The following MYO5B variants were observed in gnomAD, a reference collection of about 807,000 sequenced individuals.
MYO5B encodes the protein unconventional myosin-Vb.
In MYO5B, 143 loss-of-function variants were observed where a neutral mutation model predicts 229.3. The ratio of observed to expected loss-of-function variants is 0.62; its 90% CI spans 0.54 to 0.72. The LOEUF (loss-of-function observed/expected upper bound fraction) is 0.72, where lower values mean the gene tolerates loss of function less well. Among genes scored for constraint, MYO5B ranks in the 30% least tolerant of loss-of-function variants. The pLI is 0.00. For synonymous variants in MYO5B, 918 were observed against 885.2 expected, an observed-to-expected ratio of 1.04 and a Z score of -0.66; for missense variants, 2,321 against 2,331.0, an observed-to-expected ratio of 1.00 and a Z score of 0.09.
At chr18:49,974,708 A>C in intron 9 of MYO5B, 93 bp from the exon 10 acceptor site, 1 of 1,488,144 alleles carries the variant, frequency 6.7e-7, no homozygotes. Flanking sequence ...GAGGGAAAAC[A>C]AGCCAAACTC....
chr18:50,148,418 T>A (rs377155333), intron 1 of MYO5B, among the ~76,000 whole-genome samples: 1 of 151,518 alleles, frequency 6.6e-6, no homozygotes, highest in Non-Finnish European at 1.5e-5. Context: ...TGATGAACAT[T>A]GATGCAAAAA....
At chr18:50,022,309 T>A (rs2026284243) in intron 4 of MYO5B, among the ~76,000 whole-genome samples, 1 of 152,228 alleles carries the variant, frequency 6.6e-6, no homozygotes, top group Non-Finnish European at 1.5e-5. Flanking sequence ...AAAATTGAGA[T>A]ACTGTTCTAA....
At chr18:50,027,331 A>G (rs544957375) in intron 4 of MYO5B, among the ~76,000 whole-genome samples, 1 of 152,252 alleles carries the variant, frequency 6.6e-6, no homozygotes, top group African/African-American at 2.4e-5. Flanking sequence ...TGTAGGAGCC[A>G]CAGAAGCCCA....
intron 16 of MYO5B, among the ~76,000 whole-genome samples, chr18:49,930,895 A>G (rs2025183098): frequency 6.7e-6 from 1 of 149,972 alleles, no homozygotes; most frequent in Non-Finnish European, 1.5e-5. Context: ...CTGTCTCAAA[A>G]AAAAACACTA....
chr18:50,052,659 A>G lies in MYO5B; in HGVS notation c.138+2609T>C, dbSNP rs373320673. ...AGCATGGCACATGTATACATATGTA[A>G]CTAACCTGCACATTGTGCACATGTA... On this transcript the variant is annotated intron_variant, in intron 2 of 39. Coordinates refer to ENST00000285039, the MANE Select transcript of MYO5B (RefSeq NM_001080467.3). 7.9e-5 allele frequency among the ~76,000 whole-genome samples: 12 copies of G among 151,518 alleles called. No homozygotes were observed. In the South Asian group the frequency reaches 1.9e-3, roughly 24 times the overall value.
At chr18:49,928,146 C>T (rs1003039184) in intron 17 of MYO5B, among the ~76,000 whole-genome samples, 1 of 152,270 alleles carries the variant, frequency 6.6e-6, no homozygotes, top group Admixed American at 6.5e-5. Context: ...TGCTCAACAT[C>T]ACTAATTATC....
At chr18:49,985,173 T>A (rs958091100) in intron 7 of MYO5B, among the ~76,000 whole-genome samples, 1 of 152,184 alleles carries the variant, frequency 6.6e-6, no homozygotes, top group African/African-American at 2.4e-5. Flanking sequence ...GTAAAATGTA[T>A]CCCCACCCTA....
At chr18:50,076,036 C>T (rs755546681) in intron 1 of MYO5B, among the ~76,000 whole-genome samples, 2 of 152,244 alleles carry the variant, frequency 1.3e-5, no homozygotes, top group African/African-American at 2.4e-5. Context: ...GTTAACCCTC[C>T]ACTGACATCT....
At position 49,904,681 on chromosome 18, in the gene MYO5B, G is replaced by T. The variant is rs775707025; in HGVS notation, c.2562C>A (p.Thr854=). 6.2e-7 allele frequency: 1 copy of T among 1,613,830 alleles called. No individual in the cohort carries two copies. Among genetic ancestry groups the T allele is most frequent in the Non-Finnish European group, 8.5e-7 (1 of 1,180,044 alleles). The change falls in exon 20 of 40, where the codon ACC becomes ACA. Residue 854 remains threonine (T), a synonymous_variant. Coordinates refer to ENST00000285039, the MANE Select transcript of MYO5B (RefSeq NM_001080467.3). ...CAGAGTGGCTACTCACCTGGCGGTA[G>T]GTTCTCCGCACAAACATGGCCCGGG... ...AFTRAMFVRR[T]YRQVLMEHKA...
At chr18:50,182,899 C>T (rs1379765161) in intron 1 of MYO5B, among the ~76,000 whole-genome samples, 2 of 152,124 alleles carry the variant, frequency 1.3e-5, no homozygotes, top group African/African-American at 2.4e-5. Flanking sequence ...TGAGTTCCTA[C>T]AGCATGCAAA....
chr18:50,003,766 A>T (rs533415692), intron 4 of MYO5B, among the ~76,000 whole-genome samples: 1 of 152,222 alleles, frequency 6.6e-6, no homozygotes, highest in Non-Finnish European at 1.5e-5. Context: ...GCCCCAGATA[A>T]ATGGATAAGT....
chr18:50,159,116 C>T (rs868104086), intron 1 of MYO5B, among the ~76,000 whole-genome samples: 27 of 152,116 alleles, frequency 1.8e-4, no homozygotes, highest in Non-Finnish European at 4.4e-5. Context: ...TTGTCCAGAG[C>T]TGTCAATCAC....
Position 49,977,442 on chromosome 18 carries a change from T to C in MYO5B, c.1057-2827A>G, listed in dbSNP as rs75640266. Among the ~76,000 whole-genome samples, 595 of 152,232 alleles carry C rather than the reference T, an allele frequency of 3.9e-3. 4 individuals carry two copies. Among genetic ancestry groups the C allele is most frequent in the African/African-American group, 0.014 (575 of 41,536 alleles). On this transcript the variant is annotated intron_variant, in intron 9 of 39. Coordinates refer to ENST00000285039, the MANE Select transcript of MYO5B (RefSeq NM_001080467.3). ...GCGTATGGAAAGACAGCCTTTCCAA[T>C]AGAAGCTCCATCCTATGTGCCCGAG...
rs1336236041 is a variant in MYO5B, at chr18:50,167,321, G to A, written c.27+27446C>T. On this transcript the variant is annotated intron_variant, in intron 1 of 39. Coordinates refer to ENST00000285039, the MANE Select transcript of MYO5B (RefSeq NM_001080467.3). ...GGTGCTTTCACAAGCCTCACTGTAT[G>A]TCTCCAAGTACTTTAAGGCATAAGA... is the stretch of plus-strand genomic sequence containing the variant. Among the ~76,000 whole-genome samples the A allele has an allele frequency of 2.0e-5, 3 of 152,184 alleles. No individual in the cohort carries two copies. The East Asian group carries it at 5.8e-4, about 29-fold the overall frequency.
intron 22 of MYO5B, among the ~76,000 whole-genome samples, chr18:49,886,363 A>T (rs2024641971): frequency 6.6e-6 from 1 of 152,176 alleles, no homozygotes; most frequent in Non-Finnish European, 1.5e-5. Flanking sequence ...TCCATGAGTT[A>T]CAAGAAGGAG....
At position 49,836,743 on chromosome 18, in the gene MYO5B, A is replaced by G. The variant is rs1386176169; in HGVS notation, c.5281T>C (p.Cys1761Arg). The change falls in exon 38 of 40, where the codon TGC (cysteine) becomes CGC (arginine). Residue 1761 changes from cysteine to arginine, a missense_variant. By Grantham distance (180) the Cys-to-Arg change is radical (BLOSUM62 -3). Coordinates refer to ENST00000285039, the MANE Select transcript of MYO5B (RefSeq NM_001080467.3). ...GTGCTGAGGGAGGTACACAGGGAGC[A>G]GATAGCCTCTGCGTCCTCCTGGGTT... ...KKTQEDAEAICSLCTSLSTQQ... is the reference protein window; with the variant it reads ...KKTQEDAEAIRSLCTSLSTQQ... 2 of 1,614,170 alleles carry G rather than the reference A, an allele frequency of 1.2e-6. No homozygotes were observed. The highest frequency in any genetic ancestry group is 2.2e-5 in the South Asian group (2 of 91,082).
chr18:50,018,043 T>C (rs1365231189), intron 4 of MYO5B, among the ~76,000 whole-genome samples: 3 of 152,208 alleles, frequency 2.0e-5, no homozygotes, highest in Non-Finnish European at 2.9e-5. Context: ...TTAAGTGTTT[T>C]TTTCTCCAGT....
chr18:50,189,777 T>G (rs1265367675), intron 1 of MYO5B, among the ~76,000 whole-genome samples: 1 of 152,162 alleles, frequency 6.6e-6, no homozygotes, highest in Non-Finnish European at 1.5e-5. Context: ...AGGAAACAGG[T>G]GGCTCTTGCT....
chr18:50,152,817 T>C (rs1214445247), intron 1 of MYO5B, among the ~76,000 whole-genome samples: 6 of 150,812 alleles, frequency 4.0e-5, no homozygotes, highest in Admixed American at 2.0e-4. Flanking sequence ...ACTATGATTG[T>C]ATATTTTTTG....
Sources: allele counts gnomAD v4.1 joint callset (sites outside exome capture counted in the v4.1 genomes callset), GRCh38; gene constraint gnomAD v4.1.1; transcripts MANE v1.5; gene names NCBI Gene and HGNC (gene_info 2026-07-23, HGNC 2026-07-21).